KLHL6: variants seen among roughly 807,000 people sequenced by gnomAD.
KLHL6 encodes kelch-like protein 6.
KLHL6 carries 41 observed loss-of-function variants against 58.6 expected under a neutral mutation model. The ratio of observed to expected loss-of-function variants is 0.70; its 90% CI spans 0.55 to 0.91. The LOEUF (loss-of-function observed/expected upper bound fraction) is 0.91, where lower values mean the gene tolerates loss of function less well. Ranked by LOEUF, KLHL6 falls within the 40% of genes least tolerant of loss-of-function variation. KLHL6 has a pLI of 0.00. For missense variants in KLHL6, 714 were observed against 805.6 expected (o/e 0.89, Z 1.38); for synonymous variants, 338 against 322.7 (o/e 1.05, Z -0.51).
intron 2 of KLHL6, among the ~76,000 whole-genome samples, chr3:183,517,668 A>G (rs1216308522): frequency 6.6e-6 from 1 of 152,226 alleles, no homozygotes; most frequent in African/African-American, 2.4e-5. Flanking sequence ...ATCAGCAAAC[A>G]GCCCCTGAGT....
At chr3:183,542,432 C>A (rs776351792) in intron 1 of KLHL6, among the ~76,000 whole-genome samples, 1 of 152,170 alleles carries the variant, frequency 6.6e-6, no homozygotes, top group Admixed American at 6.5e-5. Context: ...GGTTACACTG[C>A]GTGGCACCTT....
At chr3:183,526,976 G>A (rs1192676200) in intron 2 of KLHL6, among the ~76,000 whole-genome samples, 1 of 151,992 alleles carries the variant, frequency 6.6e-6, no homozygotes, top group Non-Finnish European at 1.5e-5. Flanking sequence ...GCATGCACCT[G>A]TAGTCCCAGC....
chr3:183,510,795 C>T (rs1032084055), intron 2 of KLHL6, among the ~76,000 whole-genome samples: 2 of 152,050 alleles, frequency 1.3e-5, no homozygotes, highest in Non-Finnish European at 2.9e-5. Flanking sequence ...AATGCTTGAA[C>T]CTGGGAGGCG....
At chr3:183,507,916 T>C (rs552564394) in intron 3 of KLHL6, 143 bp downstream of exon 3, 1 of 694,518 alleles carries the variant, frequency 1.4e-6, no homozygotes, top group South Asian at 1.9e-5. Flanking sequence ...CTTCTGGAAC[T>C]GACCGACTCA....
intron 2 of KLHL6, among the ~76,000 whole-genome samples, chr3:183,512,692 T>C (rs4065337): frequency 0.019 from 2,857 of 152,240 alleles, 97 homozygotes; most frequent in African/African-American, 0.066. Context: ...GGTTTCTCTA[T>C]GTTGATCAGG....
intron 1 of KLHL6, among the ~76,000 whole-genome samples, chr3:183,552,579 G>A (rs935580534): frequency 4.6e-5 from 7 of 151,920 alleles, no homozygotes; most frequent in South Asian, 4.2e-4. Context: ...TTAGCCGGGC[G>A]TGGTGGCAGG....
chr3:183,511,457 A>G (rs920539662), intron 2 of KLHL6, among the ~76,000 whole-genome samples: 11 of 152,198 alleles, frequency 7.2e-5, no homozygotes, highest in African/African-American at 2.7e-4. Flanking sequence ...TCTCAACTGC[A>G]AGGGACTTTC....
intron 1 of KLHL6, among the ~76,000 whole-genome samples, chr3:183,543,286 CA>C (rs148496860): frequency 5.1e-3 from 640 of 125,608 alleles, no homozygotes; most frequent in Middle Eastern, 0.012. Context: ...AACTCCATTT[CA>C]AAAAAAAAAA....
chr3:183,544,744 T>A (rs1394601476), intron 1 of KLHL6: 3 of 129,928 alleles, frequency 2.3e-5, no homozygotes, highest in Non-Finnish European at 1.6e-5. Context: ...TCTCTCTGTC[T>A]CTCAAACACA....
chr3:183,517,055 C>G (rs1481034655), intron 2 of KLHL6, among the ~76,000 whole-genome samples: 1 of 152,014 alleles, frequency 6.6e-6, no homozygotes, highest in African/African-American at 2.4e-5. Context: ...ATTACAGGCT[C>G]GCACCACCAC....
chr3:183,529,083 T>C (rs1393259250), intron 1 of KLHL6, among the ~76,000 whole-genome samples: 2 of 151,972 alleles, frequency 1.3e-5, no homozygotes, highest in African/African-American at 4.8e-5. Flanking sequence ...TACTTATAAG[T>C]GGAAGCTAAA....
At chr3:183,555,290 G>T in intron 1 of KLHL6, 71 bp downstream of exon 1, 3 of 1,269,402 alleles carry the variant, frequency 2.4e-6, no homozygotes, top group Non-Finnish European at 2.2e-6. Context: ...GTTCAAGATT[G>T]GGCTCTCACA....
intron 1 of KLHL6, among the ~76,000 whole-genome samples, chr3:183,535,629 A>C (rs1366687009): frequency 2.0e-5 from 3 of 152,206 alleles, no homozygotes; most frequent in Non-Finnish European, 4.4e-5. Flanking sequence ...TGTATAATCA[A>C]GTCTAAAGGA....
intron 1 of KLHL6, among the ~76,000 whole-genome samples, chr3:183,554,476 A>G (rs1191844046): frequency 6.6e-6 from 1 of 152,196 alleles, no homozygotes; most frequent in Non-Finnish European, 1.5e-5. Flanking sequence ...CTAAAGTTTC[A>G]CTGTCAAGAA....
chr3:183,551,108 A>G lies in KLHL6; in HGVS notation c.293+4253T>C, dbSNP rs199659623. On this transcript the variant is annotated intron_variant, in intron 1 of 6. Coordinates refer to ENST00000341319, the MANE Select transcript of KLHL6 (RefSeq NM_130446.4). Reference sequence around the variant, plus strand: ...TGCACTCCAGCCTGGGCGACAGAGCAAGACTCTGTCTCAGAAAAAAAAAAA... The same window carrying G: ...TGCACTCCAGCCTGGGCGACAGAGCGAGACTCTGTCTCAGAAAAAAAAAAA... Among the ~76,000 whole-genome samples the G allele has an allele frequency of 2.8e-4, 39 of 141,060 alleles. No homozygotes were observed. In the East Asian group the frequency reaches 7.4e-3, roughly 27 times the overall value. 92.5% of individuals were successfully genotyped at this position (141,060 alleles called of 152,430 possible). A position where few individuals can be genotyped will look rare whatever the true frequency, so the allele number is the denominator to read the frequency against.
chr3:183,537,506 C>T (rs1712404181), intron 1 of KLHL6, among the ~76,000 whole-genome samples: 1 of 152,158 alleles, frequency 6.6e-6, no homozygotes, highest in Admixed American at 6.5e-5. Context: ...TAGGAAGATC[C>T]TCATTTTACA....
At position 183,527,978 on chromosome 3, in the gene KLHL6, T is replaced by A; in HGVS notation, c.326A>T (p.Tyr109Phe). The A allele has an allele frequency of 6.2e-7, 1 of 1,614,072 alleles. No homozygotes were observed. The highest frequency in any genetic ancestry group is 2.2e-5 in the East Asian group (1 of 44,878). ...CCCTTTAATAATGATCCTTTTCTCA[T>A]ACTTTTCCTTTAAATCGTTGCAGAA... is the stretch of plus-strand genomic sequence containing the variant. Reference protein sequence around the residue: ...AMFCNDLKEKYEKRIIIKGVD... With the variant: ...AMFCNDLKEKFEKRIIIKGVD... The change falls in exon 2 of 7, where the codon TAT (tyrosine) becomes TTT (phenylalanine). Residue 109 changes from tyrosine to phenylalanine, a missense_variant. Tyr to Phe is a conservative substitution (Grantham distance 22). Around this residue, in one of 2 missense-constraint regions of KLHL6, gnomAD observed 204 missense variants for 175.9 expected, o/e 1.16. Coordinates refer to ENST00000341319, the MANE Select transcript of KLHL6 (RefSeq NM_130446.4).
Position 183,508,762 on chromosome 3 carries a change from A to C in KLHL6, c.460-254T>G, listed in dbSNP as rs562093427. Among the ~76,000 whole-genome samples the C allele has an allele frequency of 6.7e-4, 102 of 152,356 alleles. 1 individual carries two copies. Among genetic ancestry groups the C allele is most frequent in the African/African-American group, 2.4e-3 (100 of 41,588 alleles). On this transcript the variant is annotated intron_variant, in intron 2 of 6. Coordinates refer to ENST00000341319, the MANE Select transcript of KLHL6 (RefSeq NM_130446.4). ...GATACTTACGGGAGGAGCTAAATAC[A>C]TATAATTCATTCATACAGTCGACTT...
chr3:183,504,303 G>A (rs1717946308), intron 3 of KLHL6, among the ~76,000 whole-genome samples: 1 of 152,162 alleles, frequency 6.6e-6, no homozygotes, highest in Admixed American at 6.5e-5. Context: ...CCATGTTACA[G>A]ATCAGAACTG....
Sources: gnomAD v4.1 joint callset for allele counts (sites outside exome capture counted in the v4.1 genomes callset) on GRCh38, gnomAD v4.1.1 for gene constraint, gnomAD v4.1.1 regional missense constraint, MANE v1.5 for transcripts, NCBI Gene and HGNC (gene_info 2026-07-23, HGNC 2026-07-21) for gene names.